TLN2: variants seen among roughly 807,000 people sequenced by gnomAD.
TLN2 encodes the protein talin 2, also known as talin-2.
A neutral mutation model predicts 294.7 loss-of-function variants in TLN2; 118 were observed. That is an observed-to-expected ratio of 0.40 (90% CI 0.34 to 0.47). TLN2 has a LOEUF of 0.47. Ranked by LOEUF, TLN2 falls within the 20% of genes least tolerant of loss-of-function variation. The pLI, the probability that TLN2 is intolerant of heterozygous loss-of-function variation, is 0.84. For synonymous variants in TLN2, 1,431 were observed against 1,304.5 expected (o/e 1.10, Z -2.09); for missense variants, 3,083 against 3,282.2 (o/e 0.94, Z 1.48).
intron 11 of TLN2, among the ~76,000 whole-genome samples, chr15:62,676,064 T>G (rs1247694751): frequency 1.3e-5 from 2 of 152,176 alleles, no homozygotes; most frequent in African/African-American, 4.8e-5. Flanking sequence ...TTGTGTTGCT[T>G]TCTGCAAATG....
At chr15:62,488,274 T>G (rs986063847) in intron 1 of TLN2, among the ~76,000 whole-genome samples, 1 of 152,030 alleles carries the variant, frequency 6.6e-6, no homozygotes. Context: ...TGGGCAAACA[T>G]GTAAAGGAGG....
intron 1 of TLN2, among the ~76,000 whole-genome samples, chr15:62,472,291 T>C (rs2037524802): frequency 6.6e-6 from 1 of 152,166 alleles, no homozygotes; most frequent in Non-Finnish European, 1.5e-5. Flanking sequence ...CTCCCAGCCT[T>C]CGAGATGACT....
At chr15:62,396,035 A>G (rs2140227156) in intron 1 of TLN2, among the ~76,000 whole-genome samples, 1 of 148,630 alleles carries the variant, frequency 6.7e-6, no homozygotes. Context: ...AGATTTCACC[A>G]TGTTGGCCAG....
At chr15:62,508,701 C>G (rs2039766913) in intron 1 of TLN2, among the ~76,000 whole-genome samples, 1 of 152,174 alleles carries the variant, frequency 6.6e-6, no homozygotes, top group African/African-American at 2.4e-5. Context: ...ACTTAGGTAG[C>G]TGTCTTAAAT....
intron 1 of TLN2, among the ~76,000 whole-genome samples, chr15:62,446,234 G>C (rs907000439): frequency 6.6e-6 from 1 of 151,932 alleles, no homozygotes; most frequent in East Asian, 1.9e-4. Context: ...TCCTGACCTC[G>C]TCATCCGCCC....
At chr15:62,834,307 T>C (rs573146986) in intron 55 of TLN2, 12 of 152,340 alleles carry the variant, frequency 7.9e-5, no homozygotes, top group African/African-American at 2.9e-4. Flanking sequence ...TATCCACGAC[T>C]GGCTTTCAGA....
intron 1 of TLN2, among the ~76,000 whole-genome samples, chr15:62,444,235 C>T (rs991807724): frequency 3.3e-5 from 5 of 152,214 alleles, no homozygotes; most frequent in South Asian, 2.1e-4. Flanking sequence ...GAGGGCAGGA[C>T]GAGGAGATCT....
intron 1 of TLN2, among the ~76,000 whole-genome samples, chr15:62,583,100 TTTGTAA>T (rs1315079218): frequency 6.6e-6 from 1 of 152,196 alleles, no homozygotes; most frequent in African/African-American, 2.4e-5. Context: ...AACATTTAAG[TTTGTAA>T]TTGTCCATTT....
At chr15:62,544,743 T>TCC (rs1044762564) in intron 1 of TLN2, among the ~76,000 whole-genome samples, 1 of 151,424 alleles carries the variant, frequency 6.6e-6, no homozygotes, top group African/African-American at 2.4e-5. Flanking sequence ...TTTTTTTTCT[T>TCC]CCCCCCCTCT....
intron 1 of TLN2, among the ~76,000 whole-genome samples, chr15:62,536,988 G>C (rs1238248353): frequency 6.6e-6 from 1 of 151,590 alleles, no homozygotes; most frequent in Admixed American, 6.6e-5. Context: ...ACCCCACAGT[G>C]CTGCTGAACA....
Position 62,647,282 on chromosome 15 carries a change from A to G in TLN2, c.-29A>G, listed in dbSNP as rs773569049. 4.3e-6 allele frequency: 7 copies of G among 1,609,410 alleles called. No individual in the cohort carries two copies. The South Asian group carries it at 6.6e-5, about 15-fold the overall frequency. Reference sequence around the variant, plus strand: ...TCTCTTTGTGTTTTCCAGACATTCTAAGTGAGACTGTCCACATCATCTAGG... The same window carrying G: ...TCTCTTTGTGTTTTCCAGACATTCTGAGTGAGACTGTCCACATCATCTAGG... On this transcript the variant is annotated 5_prime_UTR_variant, in exon 4 of 59. Transcript: ENST00000636159.
At chr15:62,523,902 G>A (rs12441323) in intron 1 of TLN2, among the ~76,000 whole-genome samples, 79,621 of 152,076 alleles carry the variant, frequency 0.52, 21,838 homozygotes, top group African/African-American at 0.7. Context: ...TTCCTTTCCT[G>A]TATTGAACAT....
chr15:62,575,561 G>A (rs2044313076), intron 1 of TLN2, among the ~76,000 whole-genome samples: 1 of 151,798 alleles, frequency 6.6e-6, no homozygotes, highest in Admixed American at 6.6e-5. Flanking sequence ...GCTAAATAAT[G>A]GAGGTTTTAC....
At chr15:62,532,609 A>C (rs887073540) in intron 1 of TLN2, among the ~76,000 whole-genome samples, 1 of 152,146 alleles carries the variant, frequency 6.6e-6, no homozygotes, top group Non-Finnish European at 1.5e-5. Flanking sequence ...ACCAGACCTT[A>C]ACCTTTTTTT....
chr15:62,703,824 C>T (rs989530210), intron 19 of TLN2, among the ~76,000 whole-genome samples: 5 of 152,134 alleles, frequency 3.3e-5, no homozygotes, highest in African/African-American at 9.7e-5. Context: ...GCAGTATCAC[C>T]TCACTGCAGC....
At chr15:62,738,482 T>G in intron 30 of TLN2, 149 bp downstream of exon 30, 1 of 1,221,554 alleles carries the variant, frequency 8.2e-7, no homozygotes, top group Non-Finnish European at 1.1e-6. Flanking sequence ...TTTCCATGTT[T>G]TGCTGTCTGA....
intron 1 of TLN2, among the ~76,000 whole-genome samples, chr15:62,481,921 C>T (rs1289768434): frequency 5.3e-5 from 8 of 150,184 alleles, no homozygotes; most frequent in Non-Finnish European, 8.9e-5. Context: ...CTCAGCCTCC[C>T]GAGTAGCTGG....
intron 1 of TLN2, among the ~76,000 whole-genome samples, chr15:62,461,058 C>T (rs1044782179): frequency 6.6e-6 from 1 of 152,152 alleles, no homozygotes; most frequent in Non-Finnish European, 1.5e-5. Context: ...CAGTGATTCT[C>T]CTGCCTCAGA....
intron 1 of TLN2, among the ~76,000 whole-genome samples, chr15:62,544,920 T>A (rs1318301600): frequency 6.6e-6 from 1 of 152,112 alleles, no homozygotes; most frequent in Non-Finnish European, 1.5e-5. Flanking sequence ...AAGTGGAGAT[T>A]TGGGGATGAC....
Sources: allele counts gnomAD v4.1 joint callset (sites outside exome capture counted in the v4.1 genomes callset), GRCh38; gene constraint gnomAD v4.1.1; transcripts MANE v1.5; gene names NCBI Gene and HGNC (gene_info 2026-07-23, HGNC 2026-07-21).